The following LRBA variants were observed in gnomAD, a reference collection of about 807,000 sequenced individuals.
The protein encoded by LRBA is lipopolysaccharide-responsive and beige-like anchor protein.
A neutral mutation model predicts 330.0 loss-of-function variants in LRBA; 176 were observed. The ratio of observed to expected loss-of-function variants is 0.53; its 90% CI spans 0.47 to 0.60. LRBA has a LOEUF of 0.60. Ranked by LOEUF, LRBA falls within the 20% of genes least tolerant of loss-of-function variation. The probability of loss-of-function intolerance (pLI) is 0.00; values close to 1 mark genes in which losing one functional copy is unlikely to be tolerated. For synonymous variants in LRBA, 1,230 were observed against 1,193.0 expected (o/e 1.03, Z -0.64); for missense variants, 3,259 against 3,444.8 (o/e 0.95, Z 1.35).
rs533087286 is a variant in LRBA, at chr4:150,725,964, G to A, written c.5754+9294C>T. ...TTATAAGATTGTGTTGGCAAGCCTT[G>A]TAATAACCTCAAACTGAAACAAATA... is the stretch of plus-strand genomic sequence containing the variant. On this transcript the variant is annotated intron_variant, in intron 36 of 56. Coordinates refer to ENST00000651943, the MANE Select transcript of LRBA (RefSeq NM_001364905.1). Among the ~76,000 whole-genome samples, 122 of 152,180 alleles carry A rather than the reference G, an allele frequency of 8.0e-4. 1 individual carries two copies. Among genetic ancestry groups the A allele is most frequent in the African/African-American group, 2.7e-3 (111 of 41,538 alleles).
intron 53 of LRBA, among the ~76,000 whole-genome samples, chr4:150,286,627 C>T (rs1748153958): frequency 4.6e-4 from 1 of 2,184 alleles, no homozygotes; most frequent in African/African-American, 5.0e-3. Context: ...ATAAGAAACA[C>T]CTAAAAAAAA....
intron 34 of LRBA, among the ~76,000 whole-genome samples, chr4:150,791,754 C>A (rs1270480024): frequency 6.6e-6 from 1 of 152,054 alleles, no homozygotes; most frequent in East Asian, 1.9e-4. Flanking sequence ...CTTGGCCGGG[C>A]GCGGTGGCTC....
intron 28 of LRBA, 26 bp from the exon 29 acceptor site, chr4:150,832,002 AT>A: frequency 7.1e-7 from 1 of 1,416,024 alleles, no homozygotes; most frequent in Non-Finnish European, 9.4e-7. Context: ...AAAGGAGTTG[AT>A]TATGTAACCA....
chr4:150,928,792 C>T (rs753308351), intron 3 of LRBA, 42 bp downstream of exon 3: 34 of 1,493,994 alleles, frequency 2.3e-5, no homozygotes, highest in African/African-American at 2.8e-5. Context: ...GAAAATCAAA[C>T]TTTATTTCTT....
chr4:150,762,652 T>C (rs1398365685), intron 34 of LRBA, among the ~76,000 whole-genome samples: 1 of 151,848 alleles, frequency 6.6e-6, no homozygotes, highest in Non-Finnish European at 1.5e-5. Flanking sequence ...TGTGCCTATA[T>C]AAACACACAC....
At chr4:150,834,808 C>T (rs577643009) in intron 28 of LRBA, among the ~76,000 whole-genome samples, 2 of 152,248 alleles carry the variant, frequency 1.3e-5, no homozygotes, top group East Asian at 3.9e-4. Context: ...AGGATGGTAT[C>T]TTCTTCCAAT....
At chr4:150,715,073 T>A (rs1268299359) in intron 36 of LRBA, among the ~76,000 whole-genome samples, 1 of 152,190 alleles carries the variant, frequency 6.6e-6, no homozygotes, top group African/African-American at 2.4e-5. Context: ...AAATTTCACT[T>A]ACCAACTGTT....
chr4:150,300,247 G>A (rs1729495397), intron 53 of LRBA, among the ~76,000 whole-genome samples: 1 of 151,996 alleles, frequency 6.6e-6, no homozygotes, highest in African/African-American at 2.4e-5. Flanking sequence ...ACATTATACA[G>A]GGGCTTGAAA....
At chr4:150,721,122 A>T (rs1728873763) in intron 36 of LRBA, 1 of 590,560 alleles carries the variant, frequency 1.7e-6, no homozygotes, top group African/African-American at 1.9e-5. Flanking sequence ...ATGGGGAGAT[A>T]CTCTGGAGGA....
At chr4:150,549,863 A>G (rs1404081364) in intron 40 of LRBA, among the ~76,000 whole-genome samples, 1 of 152,240 alleles carries the variant, frequency 6.6e-6, no homozygotes, top group Non-Finnish European at 1.5e-5. Context: ...CTGATTCCTG[A>G]AAGTATTAGG....
intron 55 of LRBA, among the ~76,000 whole-genome samples, chr4:150,281,159 G>A (rs948050117): frequency 3.9e-5 from 6 of 152,112 alleles, no homozygotes; most frequent in South Asian, 4.1e-4. Flanking sequence ...ATTTATTAGC[G>A]TAGCTGACAA....
chr4:150,901,878 C>A (rs1372418139), intron 13 of LRBA, among the ~76,000 whole-genome samples: 1 of 152,156 alleles, frequency 6.6e-6, no homozygotes, highest in African/African-American at 2.4e-5. Flanking sequence ...GTCATTGAGA[C>A]AATACGACAT....
chr4:150,504,837 C>T (rs571580480), intron 40 of LRBA, among the ~76,000 whole-genome samples: 1 of 152,130 alleles, frequency 6.6e-6, no homozygotes, highest in Non-Finnish European at 1.5e-5. Context: ...ACCCATCTCA[C>T]ATGCAGAGAC....
chr4:150,328,526 G>A (rs1733587890), intron 48 of LRBA, among the ~76,000 whole-genome samples: 1 of 152,000 alleles, frequency 6.6e-6, no homozygotes, highest in East Asian at 1.9e-4. Flanking sequence ...AACTTTACAG[G>A]GGTGAAACCA....
rs553202786 is a variant in LRBA, at chr4:150,392,198, C to T, written c.7194+23240G>A. Among the ~76,000 whole-genome samples, 49 of 152,176 alleles carry T rather than the reference C, an allele frequency of 3.2e-4. 1 individual carries two copies. The South Asian group carries it at 7.1e-3, about 22-fold the overall frequency. On this transcript the variant is annotated intron_variant, in intron 47 of 56. Coordinates refer to ENST00000651943, the MANE Select transcript of LRBA (RefSeq NM_001364905.1). ...TTCATCTTTGAGTCAGTTTGGACTG[C>T]GATAACAAATATCATAAACTGGGTA...
chr4:150,369,821 C>T (rs1044536396), intron 47 of LRBA, among the ~76,000 whole-genome samples: 28 of 152,080 alleles, frequency 1.8e-4, no homozygotes, highest in African/African-American at 6.8e-4. Context: ...TAGTACTGTC[C>T]TCCATGCCTT....
At chr4:150,633,237 T>G (rs754847848) in intron 37 of LRBA, among the ~76,000 whole-genome samples, 5 of 152,174 alleles carry the variant, frequency 3.3e-5, no homozygotes, top group Non-Finnish European at 7.4e-5. Flanking sequence ...AGAATAACAA[T>G]AAAAAGAGAA....
intron 2 of LRBA, among the ~76,000 whole-genome samples, chr4:150,949,925 GC>G (rs989984623): frequency 2.0e-5 from 3 of 151,902 alleles, no homozygotes; most frequent in African/African-American, 7.3e-5. Flanking sequence ...AAAAGATGAA[GC>G]ATATATTGAT....
intron 2 of LRBA, among the ~76,000 whole-genome samples, chr4:151,000,358 C>A (rs1234797299): frequency 2.6e-5 from 4 of 152,140 alleles, no homozygotes; most frequent in African/African-American, 9.7e-5. Context: ...ACCTTAGCAA[C>A]CTCAGCACAT....
Sources: allele counts gnomAD v4.1 joint callset (sites outside exome capture counted in the v4.1 genomes callset), GRCh38; gene constraint gnomAD v4.1.1; transcripts MANE v1.5; gene names NCBI Gene and HGNC (gene_info 2026-07-23, HGNC 2026-07-21).